PTPRM: variants seen among roughly 807,000 people sequenced by gnomAD.
PTPRM encodes the protein receptor-type tyrosine-protein phosphatase mu.
A neutral mutation model predicts 186.7 loss-of-function variants in PTPRM; 47 were observed. That is an observed-to-expected ratio of 0.25 (90% CI 0.20 to 0.32). The LOEUF (loss-of-function observed/expected upper bound fraction) is 0.32, where lower values mean the gene tolerates loss of function less well. PTPRM is among the 10% of genes least tolerant of loss of function. The pLI, the probability that PTPRM is intolerant of heterozygous loss-of-function variation, is 1.00. For missense variants in PTPRM, 1,494 were observed against 1,865.0 expected (o/e 0.80, Z 3.66); for synonymous variants, 668 against 674.9 (o/e 0.99, Z 0.16).
At chr18:8,295,518 A>G (rs2095087539) in intron 19 of PTPRM, among the ~76,000 whole-genome samples, 1 of 152,052 alleles carries the variant, frequency 6.6e-6, no homozygotes, top group African/African-American at 2.4e-5. Context: ...TCATCTGCTC[A>G]CCCTTCATCT....
intron 1 of PTPRM, among the ~76,000 whole-genome samples, chr18:7,647,736 T>C (rs1038419896): frequency 2.0e-5 from 3 of 152,162 alleles, no homozygotes; most frequent in Admixed American, 6.5e-5. Context: ...GTTGACTTGG[T>C]CATGTAGATC....
chr18:7,938,845 T>G (rs1261526921), intron 5 of PTPRM, among the ~76,000 whole-genome samples: 3 of 152,230 alleles, frequency 2.0e-5, no homozygotes, highest in Non-Finnish European at 2.9e-5. Context: ...TTTGGCTATC[T>G]GTATATTCAT....
intron 22 of PTPRM, among the ~76,000 whole-genome samples, chr18:8,335,792 C>A (rs1490690677): frequency 2.0e-5 from 3 of 152,086 alleles, no homozygotes; most frequent in Non-Finnish European, 4.4e-5. Flanking sequence ...GAAGCTGAGG[C>A]GGGCAGATCA....
chr18:7,896,723 C>T (rs532572112), intron 3 of PTPRM, among the ~76,000 whole-genome samples: 6 of 152,236 alleles, frequency 3.9e-5, no homozygotes, highest in East Asian at 3.9e-4. Flanking sequence ...ATTCAGCTTG[C>T]GCCCTGCTTG....
At chr18:8,218,672 TCTC>T (rs1431431225) in intron 14 of PTPRM, among the ~76,000 whole-genome samples, 2 of 152,190 alleles carry the variant, frequency 1.3e-5, no homozygotes, top group African/African-American at 4.8e-5. Context: ...CCCTCTGTCT[TCTC>T]CTTTCCTACT....
chr18:7,677,220 G>A (rs2039365309), intron 1 of PTPRM, among the ~76,000 whole-genome samples: 1 of 152,154 alleles, frequency 6.6e-6, no homozygotes, highest in African/African-American at 2.4e-5. Flanking sequence ...TACAGTTTAC[G>A]AAGTCCTACC....
intron 1 of PTPRM, among the ~76,000 whole-genome samples, chr18:7,576,095 A>G (rs1326490299): frequency 1.3e-5 from 2 of 152,118 alleles, no homozygotes; most frequent in Non-Finnish European, 2.9e-5. Context: ...ACTTGTCAAA[A>G]CTGATAAGGT....
chr18:8,121,086 T>C (rs140451497), intron 13 of PTPRM, among the ~76,000 whole-genome samples: 13 of 152,354 alleles, frequency 8.5e-5, no homozygotes, highest in African/African-American at 3.1e-4. Context: ...GCCTATTCTC[T>C]GACCAAACTG....
At chr18:7,869,683 CTT>C (rs1004738886) in intron 2 of PTPRM, among the ~76,000 whole-genome samples, 67 of 152,320 alleles carry the variant, frequency 4.4e-4, no homozygotes, top group African/African-American at 1.5e-3. Flanking sequence ...GATTTTTAAG[CTT>C]CCCAAGGAAA....
intron 23 of PTPRM, among the ~76,000 whole-genome samples, chr18:8,359,815 T>C (rs8089827): frequency 0.3 from 46,072 of 152,214 alleles, 7,492 homozygotes; most frequent in African/African-American, 0.43. Context: ...GCTGCAATAG[T>C]CTGCCTTCCT....
intron 2 of PTPRM, among the ~76,000 whole-genome samples, chr18:7,848,325 A>C (rs745569945): frequency 6.6e-6 from 1 of 152,262 alleles, no homozygotes; most frequent in Non-Finnish European, 1.5e-5. Flanking sequence ...ATAAAACAGT[A>C]TGAAAATTGC....
intron 19 of PTPRM, among the ~76,000 whole-genome samples, chr18:8,282,743 G>A (rs1267708093): frequency 1.3e-5 from 2 of 152,058 alleles, no homozygotes; most frequent in African/African-American, 4.8e-5. Flanking sequence ...TTATCACAGA[G>A]AAGCAAAAAT....
chr18:7,617,786 G>T (rs1030950675), intron 1 of PTPRM, among the ~76,000 whole-genome samples: 6 of 152,162 alleles, frequency 3.9e-5, no homozygotes, highest in Non-Finnish European at 7.4e-5. Flanking sequence ...GAGTTAATCT[G>T]GGGGAATGTC....
At chr18:7,679,641 G>A (rs900218230) in intron 1 of PTPRM, among the ~76,000 whole-genome samples, 10 of 152,048 alleles carry the variant, frequency 6.6e-5, no homozygotes, top group Admixed American at 2.6e-4. Context: ...GTCCAGCCTC[G>A]GCGACAGAGT....
intron 14 of PTPRM, among the ~76,000 whole-genome samples, chr18:8,211,669 C>T (rs1485179238): frequency 6.6e-6 from 1 of 152,094 alleles, no homozygotes; most frequent in Non-Finnish European, 1.5e-5. Flanking sequence ...TCCCAAAGTG[C>T]TGGGATTACA....
intron 31 of PTPRM, among the ~76,000 whole-genome samples, chr18:8,391,850 C>T (rs114882508): frequency 0.011 from 1,709 of 152,308 alleles, 27 homozygotes; most frequent in African/African-American, 0.038. Flanking sequence ...TTTTGGCTTG[C>T]TTCCTAATGA....
intron 13 of PTPRM, among the ~76,000 whole-genome samples, chr18:8,126,032 A>C (rs1327418638): frequency 3.3e-5 from 1 of 30,318 alleles, no homozygotes; most frequent in South Asian, 1.2e-3. Flanking sequence ...TATATATTTT[A>C]AATCAGTAGA....
At chr18:8,245,677 G>T (rs1468082947) in intron 15 of PTPRM, among the ~76,000 whole-genome samples, 1 of 152,154 alleles carries the variant, frequency 6.6e-6, no homozygotes, top group Non-Finnish European at 1.5e-5. Flanking sequence ...GTAGTAGCAG[G>T]TATTCCTTGA....
intron 19 of PTPRM, among the ~76,000 whole-genome samples, chr18:8,266,849 AG>A (rs2094706903): frequency 6.6e-6 from 1 of 152,096 alleles, no homozygotes; most frequent in Non-Finnish European, 1.5e-5. Context: ...CGGAGGTTGC[AG>A]TGAGCCGAGA....
Sources: gnomAD v4.1 joint callset for allele counts (sites outside exome capture counted in the v4.1 genomes callset) on GRCh38, gnomAD v4.1.1 for gene constraint, MANE v1.5 for transcripts, NCBI Gene and HGNC (gene_info 2026-07-23, HGNC 2026-07-21) for gene names.